SLC37A1: variants seen among roughly 807,000 people sequenced by gnomAD.
SLC37A1 encodes the protein solute carrier family 37 member 1, also known as glucose-6-phosphate exchanger SLC37A1.
A neutral mutation model predicts 75.3 loss-of-function variants in SLC37A1; 49 were observed. The ratio of observed to expected loss-of-function variants is 0.65; its 90% confidence interval spans 0.52 to 0.83. The LOEUF is 0.83. Ranked by LOEUF, SLC37A1 falls within the 40% of genes least tolerant of loss-of-function variation. The pLI, the probability that SLC37A1 is intolerant of heterozygous loss-of-function variation, is 0.00. For missense variants in SLC37A1, 566 were observed against 695.0 expected (o/e 0.81, Z 2.09); for synonymous variants, 268 against 292.1 (o/e 0.92, Z 0.84).
intron 12 of SLC37A1, among the ~76,000 whole-genome samples, chr21:42,563,204 C>T (rs910461155): frequency 6.6e-6 from 1 of 152,204 alleles, no homozygotes; most frequent in African/African-American, 2.4e-5. Context: ...TCCCTTCTTC[C>T]CCTGTGGTTG....
At chr21:42,560,791 G>T (rs1027958837) in intron 11 of SLC37A1, among the ~76,000 whole-genome samples, 1 of 152,210 alleles carries the variant, frequency 6.6e-6, no homozygotes, top group Non-Finnish European at 1.5e-5. Flanking sequence ...CTTTTCTGCT[G>T]TACCTTCCTC....
chr21:42,503,670 G>A (rs143539319), intron 2 of SLC37A1, among the ~76,000 whole-genome samples: 127 of 152,192 alleles, frequency 8.3e-4, no homozygotes, highest in African/African-American at 2.8e-3. Context: ...TCCTCCTCTC[G>A]TGGCGCTGGC....
rs1414412093 is a variant in SLC37A1, at chr21:42,513,885, G to A, written c.-1011G>A. On this transcript the variant is annotated 5_prime_UTR_variant, in exon 1 of 20. Transcript: ENST00000352133. Reference sequence around the variant, plus strand: ...GAGCAGGAAGCGCCCGCGGCGGCCGGGCCGGGCTGGGCTGCGGAGCGCGGG... The same window carrying A: ...GAGCAGGAAGCGCCCGCGGCGGCCGAGCCGGGCTGGGCTGCGGAGCGCGGG... The A allele has an allele frequency of 1.4e-5, 2 of 146,802 alleles. No homozygotes were observed. The highest frequency in any genetic ancestry group is 1.9e-4 in the South Asian group (1 of 5,348). The allele number at this position is 146,802 out of a possible 1,614,324, so 9.1% of individuals were successfully genotyped here.
intron 8 of SLC37A1, among the ~76,000 whole-genome samples, chr21:42,544,231 C>A (rs2055353414): frequency 6.6e-6 from 1 of 152,160 alleles, no homozygotes; most frequent in South Asian, 2.1e-4. Context: ...ATCCCGCAAG[C>A]CATTCTGATA....
chr21:42,579,842 C>T (rs779002117), intron 19 of SLC37A1, 42 bp downstream of exon 19: 22 of 1,594,770 alleles, frequency 1.4e-5, no homozygotes. Flanking sequence ...TGAAAGCCGG[C>T]TCCAAAGTGC....
chr21:42,571,321 C>T (rs1170161037), intron 17 of SLC37A1, among the ~76,000 whole-genome samples: 3 of 152,218 alleles, frequency 2.0e-5, no homozygotes, highest in Admixed American at 1.3e-4. Context: ...AAGTGCCACA[C>T]GGTTTGTTGA....
intron 17 of SLC37A1, 116 bp downstream of exon 17, chr21:42,568,554 GCTT>G (rs1371845927): frequency 1.3e-5 from 13 of 987,234 alleles, no homozygotes; most frequent in Non-Finnish European, 1.9e-5. Context: ...GGGTGGGCCG[GCTT>G]CTTACTATAC....
At chr21:42,569,410 G>A (rs553716746) in intron 17 of SLC37A1, among the ~76,000 whole-genome samples, 4 of 152,332 alleles carry the variant, frequency 2.6e-5, no homozygotes, top group South Asian at 2.1e-4. Context: ...CTGCTCCTCC[G>A]AAGGCCAGGC....
chr21:42,532,822 C>T (rs1168460187), intron 3 of SLC37A1, among the ~76,000 whole-genome samples: 1 of 152,172 alleles, frequency 6.6e-6, no homozygotes. Flanking sequence ...CCAGGGAGGA[C>T]CAGCTCTGCC....
Position 42,556,357 on chromosome 21 carries a change from G to A in SLC37A1, c.849+2215G>A, listed in dbSNP as rs377748059. ...GTGAGCACGGAGTGGGTATTTGGAGGTTGAATGTGACTCCACCGTGCACTT... is the reference window on the plus strand; with the variant it reads ...GTGAGCACGGAGTGGGTATTTGGAGATTGAATGTGACTCCACCGTGCACTT... On this transcript the variant is annotated intron_variant, in intron 10 of 19. Coordinates refer to ENST00000352133, the MANE Select transcript of SLC37A1 (RefSeq NM_001320537.2). 7.2e-5 allele frequency among the ~76,000 whole-genome samples: 11 copies of A among 152,350 alleles called. 2 individuals carry two copies. The highest frequency in any genetic ancestry group is 1.9e-4 in the East Asian group (1 of 5,180).
upstream of SLC37A1, among the ~76,000 whole-genome samples, chr21:42,512,884 C>T (rs1232977815): frequency 6.6e-6 from 1 of 152,240 alleles, no homozygotes; most frequent in East Asian, 1.9e-4. Flanking sequence ...CCTAGCAGGG[C>T]AGGGGAGCCA....
rs1042746238 is a variant in SLC37A1 at position 42,545,749 on chromosome 21, C to T, written c.731-1354C>T. ...CCGATGGGGTGAGTTGGCTGATGTC[C>T]TTTAAATTGGTGACCATACATCACA... is the stretch of plus-strand genomic sequence containing the variant. On this transcript the variant is annotated intron_variant, in intron 8 of 19. Transcript: ENST00000352133. The surrounding 1 kb of genome is among the most constrained non-coding windows in gnomAD (Gnocchi z 4.0). 8.5e-5 allele frequency among the ~76,000 whole-genome samples: 13 copies of T among 152,224 alleles called. No homozygotes were observed. Among genetic ancestry groups the T allele is most frequent in the Admixed American group, 2.6e-4 (4 of 15,292 alleles).
upstream of SLC37A1, among the ~76,000 whole-genome samples, chr21:42,512,786 G>A (rs1025117751): frequency 3.3e-5 from 5 of 152,358 alleles, no homozygotes; most frequent in Middle Eastern, 3.4e-3. Context: ...CAAAGTGATG[G>A]ATTTCACGCA....
intron 3 of SLC37A1, 179 bp downstream of exon 3, chr21:42,526,036 G>T: frequency 1.3e-5 from 7 of 542,530 alleles, no homozygotes; most frequent in South Asian, 5.4e-5. Flanking sequence ...TCTTTTAAAT[G>T]TTTTTTGGAT....
chr21:42,559,540 C>G (rs555674843), intron 11 of SLC37A1, among the ~76,000 whole-genome samples: 1 of 152,204 alleles, frequency 6.6e-6, no homozygotes, highest in Non-Finnish European at 1.5e-5. Context: ...CTGAGTGCTG[C>G]GCCGTGGCCT....
intron 3 of SLC37A1, 35 bp downstream of exon 3, chr21:42,525,892 G>C (rs751737314): frequency 6.5e-7 from 1 of 1,543,136 alleles, no homozygotes. Context: ...TGTCGTCTCT[G>C]TGAGGAGTTC....
chr21:42,540,014 A>G (rs2055234931), intron 6 of SLC37A1, among the ~76,000 whole-genome samples: 1 of 152,208 alleles, frequency 6.6e-6, no homozygotes, highest in South Asian at 2.1e-4. Context: ...CTCCAGCTGA[A>G]GCCCCAGCTG....
At position 42,547,318 on chromosome 21, in the gene SLC37A1, TAAC is replaced by T; in HGVS notation, c.768+179_768+181del. The T allele has an allele frequency of 1.5e-6, 1 of 659,304 alleles. No homozygotes were observed. The allele number at this position is 659,304 out of a possible 1,614,324, so 40.8% of individuals were successfully genotyped here. Reference sequence around the variant, plus strand: ...ATTCTGTTTTGGGTTTCGCTGATAATAACCTTATCAGCAAAACCCAGACAAGAG... The same window carrying T: ...ATTCTGTTTTGGGTTTCGCTGATAATCTTATCAGCAAAACCCAGACAAGAG... On this transcript the variant is annotated intron_variant, in intron 9 of 19. Transcript: ENST00000352133. This position sits in a 1 kb window ranked among gnomAD's most constrained non-coding sequence, Gnocchi z 6.1.
chr21:42,525,485 C>A (rs1292578035), intron 2 of SLC37A1, among the ~76,000 whole-genome samples: 2 of 152,174 alleles, frequency 1.3e-5, no homozygotes, highest in Non-Finnish European at 2.9e-5. Context: ...ATGGGGAAAA[C>A]CCCTACACAC....
Sources: allele counts gnomAD v4.1 joint callset (sites outside exome capture counted in the v4.1 genomes callset), GRCh38; gene constraint gnomAD v4.1.1; non-coding constraint Gnocchi (gnomAD v3.1); transcripts MANE v1.5; gene names NCBI Gene and HGNC (gene_info 2026-07-23, HGNC 2026-07-21).